MYO5A: variants seen among roughly 807,000 people sequenced by gnomAD.
MYO5A encodes myosin VA, also known as unconventional myosin-Va.
In MYO5A, 98 loss-of-function variants were observed where a neutral mutation model predicts 249.7. The observed-to-expected ratio is 0.39, with a 90% CI of 0.33 to 0.46. MYO5A has a LOEUF of 0.46. Ranked by LOEUF, MYO5A falls within the 20% of genes least tolerant of loss-of-function variation. The pLI, the probability that MYO5A is intolerant of heterozygous loss-of-function variation, is 0.98. For missense variants in MYO5A, 1,696 were observed against 2,308.8 expected (o/e 0.73, Z 5.44); for synonymous variants, 778 against 810.6 (o/e 0.96, Z 0.68).
chr15:52,498,474 A>G (rs1312467758), intron 1 of MYO5A, among the ~76,000 whole-genome samples: 2 of 152,184 alleles, frequency 1.3e-5, no homozygotes, highest in African/African-American at 4.8e-5. Flanking sequence ...TTTCCCTAAG[A>G]AATAAGTGTG....
In MYO5A at chr15:52,319,099, C is replaced by T. The variant is rs758007236; in HGVS notation, c.5195G>A (p.Arg1732Gln). Residue 1732 changes from arginine (R) to glutamine (Q), a missense_variant, in exon 39 of 42, where the codon CGG becomes CAG. By Grantham distance (43) the Arg-to-Gln change is conservative. Around this residue, in one of 5 missense-constraint regions of MYO5A, gnomAD observed 625 missense variants for 908.1 expected, o/e 0.69. Coordinates refer to ENST00000399233, the MANE Select transcript of MYO5A (RefSeq NM_001382347.1). ...TTTACTCCAGGAGCACATGTCCTTC[C>T]GCAGGAGAAGGTTGTTCAGGGTGAT... ...GAITLNNLLL[R>Q]KDMCSWSKGM... is the part of the protein sequence containing the mutation. 7 of 1,614,062 alleles carry T rather than the reference C, an allele frequency of 4.3e-6. No individual in the cohort carries two copies. The highest frequency in any genetic ancestry group is 2.7e-5 in the African/African-American group (2 of 74,914).
At position 52,376,283 on chromosome 15, in the gene MYO5A, CAA is replaced by C. The variant is rs1246211448; in HGVS notation, c.2420+62_2420+63del. 3.3e-6 allele frequency: 5 copies of C among 1,518,032 alleles called. No individual in the cohort carries two copies. The African/African-American group carries it at 5.5e-5, about 17-fold the overall frequency. 94.0% of individuals were successfully genotyped at this position (1,518,032 alleles called of 1,614,324 possible). A position where few individuals can be genotyped will look rare whatever the true frequency, so the allele number is the denominator to read the frequency against. The stretch of plus-strand genomic sequence containing the variant: ...TATCTTTTCAGCTATGGTGACCAGT[CAA>C]AACTGTCCTTGGTTGGACAGTGAAT... On this transcript the variant is annotated intron_variant, in intron 19 of 41. Coordinates refer to ENST00000399233, the MANE Select transcript of MYO5A (RefSeq NM_001382347.1).
intron 1 of MYO5A, among the ~76,000 whole-genome samples, chr15:52,446,927 C>T (rs531916452): frequency 2.6e-5 from 4 of 152,198 alleles, no homozygotes; most frequent in East Asian, 1.9e-4. Flanking sequence ...CAGTAGTCAA[C>T]TTGTTTTGAT....
intron 1 of MYO5A, among the ~76,000 whole-genome samples, chr15:52,482,453 T>C (rs2076734121): frequency 6.6e-6 from 1 of 152,188 alleles, no homozygotes; most frequent in African/African-American, 2.4e-5. Flanking sequence ...AACAACTCCA[T>C]GTTGAACATA....
intron 35 of MYO5A, among the ~76,000 whole-genome samples, chr15:52,329,426 C>T (rs750487802): frequency 2.6e-5 from 4 of 152,256 alleles, no homozygotes; most frequent in South Asian, 2.1e-4. Flanking sequence ...TCACAACTTA[C>T]GGTGTGTACA....
chr15:52,376,223 T>C (rs1378666168), intron 19 of MYO5A, 124 bp downstream of exon 19: 2 of 849,676 alleles, frequency 2.4e-6, no homozygotes, highest in Non-Finnish European at 3.8e-6. Flanking sequence ...ATGAGTTAAT[T>C]TGTTGTCCCT....
intron 29 of MYO5A, among the ~76,000 whole-genome samples, chr15:52,348,559 C>T (rs565078723): frequency 7.2e-5 from 11 of 152,308 alleles, no homozygotes; most frequent in East Asian, 3.9e-4. Flanking sequence ...ACCAGAACTA[C>T]GGCAGTGAGT....
In MYO5A at chr15:52,380,713, G is replaced by A. The variant is rs1211235750; in HGVS notation, c.2013-805C>T. Among the ~76,000 whole-genome samples, 13 of 152,210 alleles carry A rather than the reference G, an allele frequency of 8.5e-5. 1 individual carries two copies. Among genetic ancestry groups the A allele is most frequent in the Admixed American group, 7.8e-4 (12 of 15,288 alleles). On this transcript the variant is annotated intron_variant, in intron 16 of 41. Coordinates refer to ENST00000399233, the MANE Select transcript of MYO5A (RefSeq NM_001382347.1). The stretch of plus-strand genomic sequence containing the variant: ...ACCCGGGAGGCAGAGGTTGCAGTGA[G>A]CCGAGACCACGCCATTGCATTCCAG...
At chr15:52,363,769 A>T (rs2040661429) in intron 24 of MYO5A, among the ~76,000 whole-genome samples, 1 of 152,188 alleles carries the variant, frequency 6.6e-6, no homozygotes. Context: ...AATGGGGAGG[A>T]TGTGCAGAAT....
rs559965743 is a variant in MYO5A, at chr15:52,343,120, T to C, written c.4037A>G (p.Asn1346Ser). 1.2e-6 allele frequency: 2 copies of C among 1,610,204 alleles called. No homozygotes were observed. Among genetic ancestry groups the C allele is most frequent in the South Asian group, 2.2e-5 (2 of 90,992 alleles). The part of the protein sequence containing the change: ...WLVYEGLKQA[N>S]RLLESQLQSQ... ...ATTTTGAGGAGACAAATATAACCTG[T>C]TGGCTTGTTTTAACCCTTCATAAAC... Residue 1346 changes from asparagine to serine, a missense_variant, in exon 31 of 42, where the codon AAC (asparagine) becomes AGC (serine). By Grantham distance (46) the Asn-to-Ser change is conservative. Coordinates refer to ENST00000399233, the MANE Select transcript of MYO5A (RefSeq NM_001382347.1).
intron 11 of MYO5A, among the ~76,000 whole-genome samples, chr15:52,393,385 T>G (rs1595586575): frequency 7.0e-6 from 1 of 143,658 alleles, no homozygotes; most frequent in African/African-American, 2.7e-5. Context: ...ATTTGCAGTG[T>G]TTTTTTTTTC....
At chr15:52,392,117 A>G (rs771786273) in intron 11 of MYO5A, 47 bp from the exon 12 acceptor site, 27 of 1,565,188 alleles carry the variant, frequency 1.7e-5, no homozygotes, top group Non-Finnish European at 2.2e-5. Flanking sequence ...TCATTGTAAC[A>G]AAGAATGTAG....
chr15:52,377,602 G>A (rs1476665262), intron 18 of MYO5A, among the ~76,000 whole-genome samples: 5 of 132,640 alleles, frequency 3.8e-5, no homozygotes, highest in South Asian at 2.4e-4. Flanking sequence ...GATGAGTCTC[G>A]CTCTGTCTCC....
intron 5 of MYO5A, among the ~76,000 whole-genome samples, chr15:52,415,409 C>T (rs915976252): frequency 6.6e-6 from 1 of 152,168 alleles, no homozygotes; most frequent in Non-Finnish European, 1.5e-5. Context: ...CACTCAAATT[C>T]TCACACAATT....
chr15:52,398,857 C>T (rs1181934394), intron 9 of MYO5A, among the ~76,000 whole-genome samples: 1 of 152,080 alleles, frequency 6.6e-6, no homozygotes, highest in Non-Finnish European at 1.5e-5. Flanking sequence ...CTTGTAGTGG[C>T]AGACACCTGT....
chr15:52,313,453 T>G lies in MYO5A; in HGVS notation c.*243A>C, dbSNP rs567873361. 2.0e-6 allele frequency: 1 copy of G among 508,878 alleles called. No individual in the cohort carries two copies. Among genetic ancestry groups the G allele is most frequent in the African/African-American group, 1.9e-5 (1 of 51,878 alleles). The allele number at this position is 508,878 out of a possible 1,614,324, so 31.5% of individuals were successfully genotyped here. On this transcript the variant is annotated 3_prime_UTR_variant, in exon 42 of 42. Transcript: ENST00000399233. ...CTTCCTTCCATCATTCTCCTGTATG[T>G]AAACTCACGGTACCTAGTTGGTTAA...
At chr15:52,409,829 T>C (rs1724627) in intron 6 of MYO5A, among the ~76,000 whole-genome samples, 48,904 of 140,312 alleles carry the variant, frequency 0.35, 10,056 homozygotes, top group East Asian at 0.67. Flanking sequence ...ATGTAAACCC[T>C]ACCCAGATGC....
rs367867024 is a variant in MYO5A at position 52,314,096 on chromosome 15, A to G, written c.5490+27T>C. ...TCCATTCAAAAGACTGTGTTGGTGA[A>G]TCAAAGAAGAAGATGGGAGCTCTTA... On this transcript the variant is annotated intron_variant, in intron 41 of 41. Coordinates refer to ENST00000399233, the MANE Select transcript of MYO5A (RefSeq NM_001382347.1). 8.7e-5 allele frequency: 134 copies of G among 1,548,188 alleles called. No individual in the cohort carries two copies. The African/African-American group carries it at 1.6e-3, about 19-fold the overall frequency.
At chr15:52,455,401 A>G (rs947321728) in intron 1 of MYO5A, among the ~76,000 whole-genome samples, 5 of 152,134 alleles carry the variant, frequency 3.3e-5, no homozygotes, top group African/African-American at 1.2e-4. Flanking sequence ...ACTAATACCA[A>G]TTCTGCTCAA....
Sources: allele counts gnomAD v4.1 joint callset (sites outside exome capture counted in the v4.1 genomes callset), GRCh38; gene constraint gnomAD v4.1.1; regional missense constraint gnomAD v4.1.1; transcripts MANE v1.5; gene names NCBI Gene and HGNC (gene_info 2026-07-23, HGNC 2026-07-21).